Variants in STAG1 observed in about 807,000 individuals in gnomAD.
STAG1 encodes the protein cohesin subunit SA-1.
STAG1 carries 26 observed loss-of-function variants against 170.9 expected under a neutral mutation model. The ratio of observed to expected loss-of-function variants is 0.15; its 90% CI spans 0.11 to 0.21. STAG1 has a LOEUF of 0.21. STAG1 is among the 10% of genes least tolerant of loss of function. The pLI, the probability that STAG1 is intolerant of heterozygous loss-of-function variation, is 1.00. For synonymous variants in STAG1, 514 were observed against 497.7 expected (o/e 1.03, Z -0.44); for missense variants, 964 against 1,509.5 (o/e 0.64, Z 5.99).
chr3:136,514,091 T>A (rs745466967), intron 7 of STAG1, among the ~76,000 whole-genome samples: 64 of 152,212 alleles, frequency 4.2e-4, no homozygotes, highest in Non-Finnish European at 7.2e-4. Context: ...TTTCTCTTTT[T>A]CTGAATTCTC....
intron 9 of STAG1, among the ~76,000 whole-genome samples, chr3:136,495,749 G>A (rs557417446): frequency 2.0e-5 from 3 of 151,164 alleles, no homozygotes; most frequent in South Asian, 2.1e-4. Context: ...CAGGTGGCTC[G>A]TGAGGTCAAG....
At chr3:136,476,398 C>A (rs1348060308) in intron 10 of STAG1, among the ~76,000 whole-genome samples, 1 of 152,100 alleles carries the variant, frequency 6.6e-6, no homozygotes, top group South Asian at 2.1e-4. Flanking sequence ...ACAATAATTG[C>A]AATAGGCAGT....
chr3:136,472,579 T>C (rs1174214581), intron 11 of STAG1, 87 bp from the exon 12 acceptor site: 2 of 870,850 alleles, frequency 2.3e-6, no homozygotes, highest in Admixed American at 2.2e-5. Flanking sequence ...GGGATATATA[T>C]GCAATACTAA....
At chr3:136,541,538 T>TCACACACACACACACACACACACACACA (rs59155124) in intron 6 of STAG1, among the ~76,000 whole-genome samples, 8 of 123,214 alleles carry the variant, frequency 6.5e-5, no homozygotes, top group Non-Finnish European at 1.0e-4. Context: ...AGCTTAACAT[T>TCACACACACACACACACACACACACACA]CACACACACA....
At chr3:136,366,099 T>C (rs1937064994) in intron 25 of STAG1, among the ~76,000 whole-genome samples, 1 of 152,086 alleles carries the variant, frequency 6.6e-6, no homozygotes, top group Non-Finnish European at 1.5e-5. Context: ...TGAAGCTTTG[T>C]GGTCTAGTGA....
chr3:136,679,708 G>A (rs542661846), intron 1 of STAG1, among the ~76,000 whole-genome samples: 145 of 145,764 alleles, frequency 9.9e-4, no homozygotes, highest in African/African-American at 3.2e-3. Context: ...TGGCCTGGGC[G>A]AAAGAGCAAG....
At chr3:136,574,782 T>A (rs1255675586) in intron 4 of STAG1, among the ~76,000 whole-genome samples, 1 of 152,154 alleles carries the variant, frequency 6.6e-6, no homozygotes, top group Non-Finnish European at 1.5e-5. Flanking sequence ...ACAAAAAAAT[T>A]AATGAGTGTA....
rs1459208229 is a variant in STAG1, at chr3:136,723,845, C to G, written c.-84+28350G>C. 8.8e-5 allele frequency among the ~76,000 whole-genome samples: 13 copies of G among 147,314 alleles called. No homozygotes were observed. In the South Asian group the frequency reaches 2.8e-3, roughly 32 times the overall value. On this transcript the variant is annotated intron_variant, in intron 1 of 33. Transcript: ENST00000383202. ...CGGGAGGGAGGTGGGGGGGTCAGCC[C>G]CCCGCCCGGCCAGCCGCCCCGTCCG...
intron 25 of STAG1, among the ~76,000 whole-genome samples, chr3:136,364,623 G>A (rs1023141452): frequency 4.6e-5 from 7 of 151,966 alleles, no homozygotes; most frequent in Non-Finnish European, 8.8e-5. Context: ...TTTTACTATC[G>A]AAATATAAAA....
chr3:136,727,776 ATAT>A (rs1165155381), intron 1 of STAG1, among the ~76,000 whole-genome samples: 2 of 152,212 alleles, frequency 1.3e-5, no homozygotes, highest in Non-Finnish European at 2.9e-5. Flanking sequence ...GAAAATAATC[ATAT>A]TATTATTAAA....
intron 10 of STAG1, among the ~76,000 whole-genome samples, chr3:136,473,943 T>C (rs2089684171): frequency 6.6e-6 from 1 of 152,192 alleles, no homozygotes; most frequent in African/African-American, 2.4e-5. Context: ...TTTAAACCTA[T>C]AATTAGGGAA....
At chr3:136,367,640 T>A (rs771859069) in intron 24 of STAG1, among the ~76,000 whole-genome samples, 1 of 152,162 alleles carries the variant, frequency 6.6e-6, no homozygotes, top group Admixed American at 6.5e-5. Context: ...CTGAAAAATT[T>A]TAAGACACAA....
chr3:136,407,368 C>A (rs979653200), intron 21 of STAG1, among the ~76,000 whole-genome samples: 1 of 152,172 alleles, frequency 6.6e-6, no homozygotes, highest in African/African-American at 2.4e-5. Flanking sequence ...AGATCTTGCA[C>A]ATACTTTGTT....
At chr3:136,709,739 G>T (rs574182074) in intron 1 of STAG1, among the ~76,000 whole-genome samples, 1 of 144,826 alleles carries the variant, frequency 6.9e-6, no homozygotes, top group African/African-American at 2.5e-5. Context: ...TCTCTCTAAA[G>T]AAAGAAGGTG....
chr3:136,469,572 T>C (rs1447616343), intron 12 of STAG1, among the ~76,000 whole-genome samples: 6 of 152,300 alleles, frequency 3.9e-5, no homozygotes, highest in South Asian at 4.1e-4. Context: ...AGGTAATTTA[T>C]AGATTCAATG....
intron 3 of STAG1, among the ~76,000 whole-genome samples, chr3:136,621,084 T>C (rs1435293363): frequency 6.6e-6 from 1 of 151,648 alleles, no homozygotes; most frequent in Non-Finnish European, 1.5e-5. Context: ...GCCAAGATCA[T>C]GCCACTGCAC....
chr3:136,452,308 T>C (rs996731301), intron 13 of STAG1, among the ~76,000 whole-genome samples, 161 bp from the exon 14 acceptor site: 2 of 151,968 alleles, frequency 1.3e-5, no homozygotes, highest in Non-Finnish European at 2.9e-5. Context: ...CTCATGCCTG[T>C]AATCCCAGCA....
intron 1 of STAG1, among the ~76,000 whole-genome samples, chr3:136,687,510 C>T (rs985547486): frequency 1.3e-5 from 2 of 151,774 alleles, no homozygotes; most frequent in African/African-American, 4.8e-5. Flanking sequence ...GGTCCAAAAA[C>T]TCGACCTTGA....
At chr3:136,362,205 C>T (rs1163676245) in intron 26 of STAG1, among the ~76,000 whole-genome samples, 7 of 147,342 alleles carry the variant, frequency 4.8e-5, no homozygotes, top group Middle Eastern at 3.9e-3. Flanking sequence ...GTGATCTACC[C>T]GCCTCGGCCT....
Sources: gnomAD v4.1 joint callset for allele counts (sites outside exome capture counted in the v4.1 genomes callset) on GRCh38, gnomAD v4.1.1 for gene constraint, MANE v1.5 for transcripts, NCBI Gene and HGNC (gene_info 2026-07-23, HGNC 2026-07-21) for gene names.